Variants in ARHGEF37 observed in about 807,000 individuals in gnomAD.
The protein encoded by ARHGEF37 is Rho guanine nucleotide exchange factor 37.
ARHGEF37 carries 55 observed loss-of-function variants against 71.1 expected under a neutral mutation model. The observed-to-expected ratio is 0.77, with a 90% CI of 0.62 to 0.97. ARHGEF37 has a LOEUF of 0.97. ARHGEF37 is among the 50% of genes least tolerant of loss of function. The probability of loss-of-function intolerance (pLI) is 0.00; values close to 1 mark genes in which losing one functional copy is unlikely to be tolerated. For missense variants in ARHGEF37, 765 were observed against 836.8 expected, an observed-to-expected ratio of 0.91 and a Z score of 1.06; for synonymous variants, 327 against 350.6, an observed-to-expected ratio of 0.93 and a Z score of 0.75.
At chr5:149,602,690 A>G (rs1036472874) in intron 3 of ARHGEF37, among the ~76,000 whole-genome samples, 1 of 151,888 alleles carries the variant, frequency 6.6e-6, no homozygotes, top group Non-Finnish European at 1.5e-5. Context: ...CAAACCTCAT[A>G]CCTGTCTCCT....
chr5:149,569,961 A>G (rs540806794), intron 1 of ARHGEF37, among the ~76,000 whole-genome samples: 1 of 152,268 alleles, frequency 6.6e-6, no homozygotes, highest in East Asian at 1.9e-4. Flanking sequence ...CTTTTTTTCC[A>G]AAGTAGGAGT....
rs949375796 is a variant in ARHGEF37, at chr5:149,572,124, G to A, written c.-12+20001G>A. On this transcript the variant is annotated intron_variant, in intron 1 of 2. Transcript: ENST00000505810. The stretch of plus-strand genomic sequence containing the variant: ...ATAAATTGATACCTTGAACTGAATA[G>A]AGAGTCCAGAAATAGAACCACCTTT... Among the ~76,000 whole-genome samples, 5 of 152,210 alleles carry A rather than the reference G, an allele frequency of 3.3e-5. No homozygotes were observed. In the East Asian group the frequency reaches 9.7e-4, roughly 29 times the overall value.
At position 149,618,313 on chromosome 5, in the gene ARHGEF37, G is replaced by A. The variant is rs765033919; in HGVS notation, c.789+7G>A. 32 of 1,613,908 alleles carry A rather than the reference G, an allele frequency of 2.0e-5. No homozygotes were observed. Among genetic ancestry groups the A allele is most frequent in the Admixed American group, 6.7e-5 (4 of 60,000 alleles). On this transcript the variant is annotated splice_region_variant and intron_variant, in intron 6 of 12. Coordinates refer to ENST00000333677, the MANE Select transcript of ARHGEF37 (RefSeq NM_001001669.3). The stretch of plus-strand genomic sequence containing the variant: ...GGCGGGGCTGATCCCCAGGGTGAGC[G>A]TGCGCCTGGGAGGAAGAGTCACATC...
intron 2 of ARHGEF37, among the ~76,000 whole-genome samples, chr5:149,598,753 T>TATAG (rs1554122085): frequency 2.1e-4 from 18 of 85,112 alleles, no homozygotes; most frequent in African/African-American, 8.0e-4. Context: ...TATATATCTA[T>TATAG]ATATAGATAT....
intron 1 of ARHGEF37, among the ~76,000 whole-genome samples, chr5:149,569,615 C>T (rs1296129000): frequency 2.1e-5 from 3 of 143,912 alleles, no homozygotes; most frequent in Non-Finnish European, 3.0e-5. Flanking sequence ...CCACCACACC[C>T]GGCCTTATTT....
At chr5:149,558,857 C>T (rs976986238) in intron 1 of ARHGEF37, among the ~76,000 whole-genome samples, 5 of 151,780 alleles carry the variant, frequency 3.3e-5, no homozygotes, top group African/African-American at 1.2e-4. Context: ...AGGTAATCAC[C>T]AAATGTTAAC....
intron 1 of ARHGEF37, among the ~76,000 whole-genome samples, chr5:149,575,357 T>C (rs1763014069): frequency 6.6e-6 from 1 of 152,232 alleles, no homozygotes; most frequent in Non-Finnish European, 1.5e-5. Flanking sequence ...GCAGACACCG[T>C]TGGCTGCCTA....
At chr5:149,591,849 AT>A (rs1347132769) in intron 1 of ARHGEF37, among the ~76,000 whole-genome samples, 2 of 152,230 alleles carry the variant, frequency 1.3e-5, no homozygotes, top group African/African-American at 4.8e-5. Context: ...TGTTCTAAGC[AT>A]GTTTGAAGTA....
intron 3 of ARHGEF37, among the ~76,000 whole-genome samples, chr5:149,609,260 G>A (rs2400890): frequency 0.4 from 61,295 of 152,110 alleles, 13,847 homozygotes; most frequent in East Asian, 0.64. Flanking sequence ...GTCCAAATGT[G>A]AGCATTATTA....
rs1393460934 is a variant in ARHGEF37 at position 149,569,019 on chromosome 5, T to A, written c.-12+16896T>A. Among the ~76,000 whole-genome samples, 3 of 152,124 alleles carry A rather than the reference T, an allele frequency of 2.0e-5. 1 individual carries two copies. The highest frequency in any genetic ancestry group is 1.3e-4 in the Admixed American group (2 of 15,258). On this transcript the variant is annotated intron_variant, in intron 1 of 2. Coordinates refer to the ARHGEF37 transcript ENST00000505810. ...TAGTATGTGCTCTTTGTGTCCAGCTTCTTTTGCTCAGCCTAATATATGTGA... is the reference window on the plus strand; with the variant it reads ...TAGTATGTGCTCTTTGTGTCCAGCTACTTTTGCTCAGCCTAATATATGTGA...
chr5:149,614,800 C>T lies in ARHGEF37; in HGVS notation c.459-1767C>T, dbSNP rs533829779. Among the ~76,000 whole-genome samples the T allele has an allele frequency of 6.6e-5, 10 of 152,304 alleles. No individual in the cohort carries two copies. In the South Asian group the frequency reaches 2.1e-3, roughly 32 times the overall value. ...GCTCTGCCTATTCTTAGCTTCATGG[C>T]TGATCTTTCCTGGACATTTGGTCTG... On this transcript the variant is annotated intron_variant, in intron 4 of 12. Transcript: ENST00000333677.
chr5:149,583,922 G>C (rs569932289), intron 1 of ARHGEF37, among the ~76,000 whole-genome samples: 6 of 152,138 alleles, frequency 3.9e-5, no homozygotes, highest in African/African-American at 1.2e-4. Flanking sequence ...CACCACACCT[G>C]GCTAATTTTT....
At chr5:149,595,016 G>C (rs991067689) in intron 1 of ARHGEF37, among the ~76,000 whole-genome samples, 3 of 152,178 alleles carry the variant, frequency 2.0e-5, no homozygotes, top group Non-Finnish European at 4.4e-5. Flanking sequence ...TTCGGGAAAG[G>C]ACACAATTAT....
At chr5:149,554,386 G>A (rs1036552945) in intron 1 of ARHGEF37, among the ~76,000 whole-genome samples, 2 of 152,056 alleles carry the variant, frequency 1.3e-5, no homozygotes, top group Non-Finnish European at 2.9e-5. Flanking sequence ...AATCCTCCTC[G>A]CCTTTTTTTT....
At chr5:149,607,516 G>T (rs1763946773) in intron 3 of ARHGEF37, among the ~76,000 whole-genome samples, 1 of 152,104 alleles carries the variant, frequency 6.6e-6, no homozygotes, top group Non-Finnish European at 1.5e-5. Flanking sequence ...TATGTGTATT[G>T]TCTCACGCAT....
chr5:149,555,410 C>T (rs953236487), intron 1 of ARHGEF37, among the ~76,000 whole-genome samples: 8 of 151,848 alleles, frequency 5.3e-5, no homozygotes, highest in Admixed American at 5.3e-4. Context: ...CTCAAGCAAT[C>T]CCCCTGCCTC....
At chr5:149,611,957 A>C (rs1029368932) in intron 4 of ARHGEF37, among the ~76,000 whole-genome samples, 3 of 152,252 alleles carry the variant, frequency 2.0e-5, no homozygotes, top group African/African-American at 7.2e-5. Flanking sequence ...AATAATTTCC[A>C]ATAAAATGCT....
At chr5:149,625,023 C>T (rs909161411) in intron 10 of ARHGEF37, among the ~76,000 whole-genome samples, 4 of 151,486 alleles carry the variant, frequency 2.6e-5, no homozygotes, top group Non-Finnish European at 5.9e-5. Context: ...CTCAGCCCCC[C>T]GAGTAGCTGG....
intron 1 of ARHGEF37, among the ~76,000 whole-genome samples, chr5:149,555,452 G>A (rs1384225113): frequency 1.4e-5 from 2 of 147,656 alleles, no homozygotes; most frequent in Non-Finnish European, 3.0e-5. Flanking sequence ...CTATAGGCAG[G>A]CACCACCATG....
Sources: gnomAD v4.1 joint callset for allele counts (sites outside exome capture counted in the v4.1 genomes callset) on GRCh38, gnomAD v4.1.1 for gene constraint, MANE v1.5 for transcripts, NCBI Gene and HGNC (gene_info 2026-07-23, HGNC 2026-07-21) for gene names.